The following FGFR1OP2 variants were observed in gnomAD, a reference collection of about 807,000 sequenced individuals.
The protein encoded by FGFR1OP2 is fibroblast growth factor receptor 1 oncogene partner 2.
In FGFR1OP2, 17 loss-of-function variants were observed where a neutral mutation model predicts 35.2. The ratio of observed to expected loss-of-function variants is 0.48; its 90% CI spans 0.33 to 0.73. The LOEUF (loss-of-function observed/expected upper bound fraction) is 0.73, where lower values mean the gene tolerates loss of function less well. Ranked by LOEUF, FGFR1OP2 falls within the 30% of genes least tolerant of loss-of-function variation. FGFR1OP2 has a pLI of 0.02. For synonymous variants in FGFR1OP2, 105 were observed against 104.6 expected, an observed-to-expected ratio of 1.00 and a Z score of -0.03; for missense variants, 251 against 307.3, an observed-to-expected ratio of 0.82 and a Z score of 1.37.
At chr12:26,955,771 G>A (rs936200094) in intron 2 of FGFR1OP2, among the ~76,000 whole-genome samples, 6 of 152,188 alleles carry the variant, frequency 3.9e-5, no homozygotes, top group Non-Finnish European at 8.8e-5. Flanking sequence ...AGAATATGCT[G>A]CTATGAATAT....
At chr12:26,950,698 A>G (rs1427862014) in intron 1 of FGFR1OP2, among the ~76,000 whole-genome samples, 2 of 152,236 alleles carry the variant, frequency 1.3e-5, no homozygotes, top group African/African-American at 4.8e-5. Context: ...GCTTCTGGTA[A>G]GAAATTGAAT....
intron 4 of FGFR1OP2, 74 bp from the exon 5 acceptor site, chr12:26,960,441 A>G (rs1592253945): frequency 2.0e-6 from 2 of 987,694 alleles, no homozygotes; most frequent in Non-Finnish European, 1.4e-6. Context: ...GCTAACACGC[A>G]TGAACTAACA....
intron 2 of FGFR1OP2, among the ~76,000 whole-genome samples, chr12:26,954,648 C>T (rs1938990663): frequency 6.6e-6 from 1 of 152,058 alleles, no homozygotes; most frequent in Non-Finnish European, 1.5e-5. Flanking sequence ...TCATATTTTT[C>T]TTTATAAAAG....
chr12:26,949,953 A>G (rs1938890721), intron 1 of FGFR1OP2, among the ~76,000 whole-genome samples: 1 of 152,178 alleles, frequency 6.6e-6, no homozygotes, highest in African/African-American at 2.4e-5. Context: ...TGGATCTTAC[A>G]ACTTGATGGT....
chr12:26,960,161 T>C (rs1352603470), intron 4 of FGFR1OP2, among the ~76,000 whole-genome samples: 1 of 152,084 alleles, frequency 6.6e-6, no homozygotes, highest in Non-Finnish European at 1.5e-5. Context: ...GTACTAGTGC[T>C]CTGATATGCC....
At chr12:26,955,104 C>A (rs550124411) in intron 2 of FGFR1OP2, among the ~76,000 whole-genome samples, 2 of 152,132 alleles carry the variant, frequency 1.3e-5, no homozygotes, top group South Asian at 4.1e-4. Context: ...ACCTGCATCC[C>A]TAACCAACTG....
At position 26,938,584 on chromosome 12, in the gene FGFR1OP2, C is replaced by T. The variant is rs978449482; in HGVS notation, c.-141C>T. 4.3e-4 allele frequency: 66 copies of T among 152,508 alleles called. 1 individual carries two copies. Among genetic ancestry groups the T allele is most frequent in the African/African-American group, 1.5e-3 (61 of 41,582 alleles). The allele number at this position is 152,508 out of a possible 1,614,324, so 9.4% of individuals were successfully genotyped here. A position where few individuals can be genotyped will look rare whatever the true frequency, so the allele number is the denominator to read the frequency against. The stretch of plus-strand genomic sequence containing the variant: ...CGTCCGCTGCCTCCGTCCGATTCTG[C>T]GTCTGCTTGCTGAGGAGGCGGATTA... On this transcript the variant is annotated 5_prime_UTR_variant, in exon 1 of 7. Transcript: ENST00000229395.
At chr12:26,950,208 T>C (rs1938897483) in intron 1 of FGFR1OP2, among the ~76,000 whole-genome samples, 1 of 131,710 alleles carries the variant, frequency 7.6e-6, no homozygotes, top group African/African-American at 2.9e-5. Context: ...GTTAATGTAT[T>C]CGTTGTTTTT....
At chr12:26,943,085 A>G (rs1227787327) in intron 1 of FGFR1OP2, among the ~76,000 whole-genome samples, 1 of 152,150 alleles carries the variant, frequency 6.6e-6, no homozygotes, top group Non-Finnish European at 1.5e-5. Context: ...TTAATTTTAT[A>G]TTTAGACTTA....
intron 4 of FGFR1OP2, among the ~76,000 whole-genome samples, chr12:26,959,033 C>G (rs1166773): frequency 0.15 from 23,242 of 151,944 alleles, 1,872 homozygotes; most frequent in Middle Eastern, 0.3. Flanking sequence ...AATACTTCTT[C>G]CATTTTGGTG....
chr12:26,949,383 C>T (rs1316372519), intron 1 of FGFR1OP2, among the ~76,000 whole-genome samples: 1 of 152,044 alleles, frequency 6.6e-6, no homozygotes, highest in Non-Finnish European at 1.5e-5. Context: ...CCACCCACCT[C>T]AGCCTCCCAA....
intron 1 of FGFR1OP2, among the ~76,000 whole-genome samples, chr12:26,942,224 G>C (rs913845838): frequency 6.6e-6 from 1 of 152,118 alleles, no homozygotes; most frequent in African/African-American, 2.4e-5. Context: ...GTACAGACAG[G>C]GTTTCACCAT....
intron 1 of FGFR1OP2, among the ~76,000 whole-genome samples, chr12:26,949,869 C>T (rs946140570): frequency 2.0e-5 from 3 of 152,034 alleles, no homozygotes; most frequent in African/African-American, 7.3e-5. Flanking sequence ...AGTGAGCCAC[C>T]GTGCCTGGCC....
In FGFR1OP2 at chr12:26,948,301, G is replaced by C. The variant is rs969242660; in HGVS notation, c.-14-5844G>C. On this transcript the variant is annotated intron_variant, in intron 1 of 6. Transcript: ENST00000229395. ...CTAAGTTTCCTTCTGATAACACTTTGCTTCTAACTGAAGAGTATTCTTTAT... is the reference window on the plus strand; with the variant it reads ...CTAAGTTTCCTTCTGATAACACTTTCCTTCTAACTGAAGAGTATTCTTTAT... Among the ~76,000 whole-genome samples the C allele has an allele frequency of 1.3e-5, 2 of 152,106 alleles. 1 individual carries two copies. Among genetic ancestry groups the C allele is most frequent in the Admixed American group, 1.3e-4 (2 of 15,284 alleles).
chr12:26,943,964 A>G (rs767798616), intron 1 of FGFR1OP2, among the ~76,000 whole-genome samples: 1 of 152,024 alleles, frequency 6.6e-6, no homozygotes, highest in Non-Finnish European at 1.5e-5. Context: ...AATTTTGCAT[A>G]TGTTTTAATT....
chr12:26,954,431 A>G, intron 2 of FGFR1OP2, 138 bp downstream of exon 2: 1 of 1,071,216 alleles, frequency 9.3e-7, no homozygotes, highest in Non-Finnish European at 1.3e-6. Flanking sequence ...TTTCAGGTTT[A>G]CTTTAATTTT....
chr12:26,949,455 T>C (rs1453387324), intron 1 of FGFR1OP2, among the ~76,000 whole-genome samples: 2 of 152,072 alleles, frequency 1.3e-5, no homozygotes, highest in African/African-American at 4.8e-5. Context: ...GATTAATTTA[T>C]TTACAAATGA....
chr12:26,946,567 C>T (rs950481557), intron 1 of FGFR1OP2, among the ~76,000 whole-genome samples: 8 of 152,324 alleles, frequency 5.3e-5, no homozygotes, highest in Middle Eastern at 3.4e-3. Flanking sequence ...GCCTTGGCCT[C>T]CCAAAGTGCT....
At position 26,960,749 on chromosome 12, in the gene FGFR1OP2, G is replaced by T. The variant is rs76601721; in HGVS notation, c.510+121G>T. 211 of 1,399,958 alleles carry T rather than the reference G, an allele frequency of 1.5e-4. 3 individuals are homozygous for T. The East Asian group carries it at 3.8e-3, about 25-fold the overall frequency. 86.7% of individuals were successfully genotyped at this position (1,399,958 alleles called of 1,614,324 possible). Reference sequence around the variant, plus strand: ...AGCAAATAAATGAAATTTATTAAAAGAATGTTGTGTCTTTAATAGCCATGC... The same window carrying T: ...AGCAAATAAATGAAATTTATTAAAATAATGTTGTGTCTTTAATAGCCATGC... On this transcript the variant is annotated intron_variant, in intron 5 of 6. Coordinates refer to ENST00000229395, the MANE Select transcript of FGFR1OP2 (RefSeq NM_015633.3).
Sources: allele counts gnomAD v4.1 joint callset (sites outside exome capture counted in the v4.1 genomes callset), GRCh38; gene constraint gnomAD v4.1.1; transcripts MANE v1.5; gene names NCBI Gene and HGNC (gene_info 2026-07-23, HGNC 2026-07-21).